The following BIRC6 variants were observed in gnomAD, a reference collection of about 807,000 sequenced individuals.
BIRC6 encodes the protein dual E2 ubiquitin-conjugating enzyme/E3 ubiquitin-protein ligase BIRC6.
BIRC6 carries 98 observed loss-of-function variants against 503.3 expected under a neutral mutation model. That is an observed-to-expected ratio of 0.19 (90% CI 0.17 to 0.23). BIRC6 has a LOEUF of 0.23. Among genes scored for constraint, BIRC6 ranks in the 10% least tolerant of loss-of-function variants. BIRC6 has a pLI of 1.00. For synonymous variants in BIRC6, 2,240 were observed against 2,078.7 expected (o/e 1.08, Z -2.11); for missense variants, 5,360 against 5,806.0 (o/e 0.92, Z 2.50).
At chr2:32,553,083 G>T (rs2058535768) in intron 65 of BIRC6, among the ~76,000 whole-genome samples, 1 of 148,258 alleles carries the variant, frequency 6.7e-6, no homozygotes, top group Non-Finnish European at 1.5e-5. Context: ...TGTAATCCCA[G>T]CTACTTGGGA....
At position 32,603,067 on chromosome 2, in the gene BIRC6, C is replaced by G; in HGVS notation, c.14054C>G (p.Thr4685Ser). 1 of 1,610,724 alleles carries G rather than the reference C, an allele frequency of 6.2e-7. No individual in the cohort carries two copies. Residue 4685 changes from threonine to serine, a missense_variant, in exon 71 of 74, where the codon ACC becomes AGC. Around this residue, in one of 16 missense-constraint regions of BIRC6, gnomAD observed 66 missense variants for 113.2 expected, o/e 0.58. Transcript: ENST00000421745. ...CCAGAAGAGAAGTGGAATCCTCAGA[C>G]CTCAAGCTTTTTGCAAGTAAACAAA... ...GRPEEKWNPQ[T>S]SSFLQVLVSV... is the part of the protein sequence containing the mutation.
chr2:32,510,869 G>A (rs1453910521), intron 53 of BIRC6, among the ~76,000 whole-genome samples: 3 of 152,096 alleles, frequency 2.0e-5, no homozygotes, highest in African/African-American at 7.2e-5. Context: ...AGAATTCTTT[G>A]TTAATACTGC....
rs766438583 is a variant in BIRC6 at position 32,597,835 on chromosome 2, C to T, written c.13697C>T (p.Ala4566Val). The change falls in exon 69 of 74, where the codon GCT (alanine) becomes GTT (valine). Residue 4566 changes from alanine to valine, a missense_variant. This residue lies in a region of BIRC6 where 477 missense variants were observed against 574.4 expected (regional missense o/e 0.83). Transcript: ENST00000421745. ...NYHYMSQVKN[A>V]NDANSAARAR... Reference sequence around the variant, plus strand: ...CACTACATGTCTCAGGTGAAAAATGCTAATGATGCGAACAGTGCTGCCAGA... The same window carrying T: ...CACTACATGTCTCAGGTGAAAAATGTTAATGATGCGAACAGTGCTGCCAGA... 18 of 1,613,592 alleles carry T rather than the reference C, an allele frequency of 1.1e-5. No individual in the cohort carries two copies. The highest frequency in any genetic ancestry group is 1.6e-4 in the Middle Eastern group (1 of 6,084).
intron 20 of BIRC6, among the ~76,000 whole-genome samples, chr2:32,444,702 A>G (rs1386215488): frequency 2.6e-5 from 4 of 152,174 alleles, no homozygotes; most frequent in Non-Finnish European, 4.4e-5. Context: ...AACCCATTCA[A>G]CAAGTTACCT....
In BIRC6 at chr2:32,490,052, A is replaced by G. The variant is rs554518223; in HGVS notation, c.8107A>G (p.Ser2703Gly). The stretch of plus-strand genomic sequence containing the variant: ...TCTTTTCTGCATAGCATCAATAACT[A>G]GCTTTCTCACAGTGTTAGCTTGGTA... The part of the protein sequence containing the change: ...VISLNQASIT[S>G]FLTVLAWYPN... The change falls in exon 43 of 74, where the codon AGC (serine) becomes GGC (glycine). Residue 2703 changes from serine to glycine, a missense_variant. By Grantham distance (56) the Ser-to-Gly change is moderately conservative. Coordinates refer to ENST00000421745, the MANE Select transcript of BIRC6 (RefSeq NM_016252.4). The G allele has an allele frequency of 2.6e-5, 42 of 1,609,700 alleles. 2 individuals are homozygous for G. In the South Asian group the frequency reaches 3.0e-4, roughly 11 times the overall value.
At chr2:32,569,929 C>T (rs1023815766) in intron 65 of BIRC6, among the ~76,000 whole-genome samples, 1 of 151,546 alleles carries the variant, frequency 6.6e-6, no homozygotes, top group Admixed American at 6.6e-5. Context: ...TTTCCCTTGC[C>T]TGATTACTCT....
chr2:32,367,501 CTG>C (rs2035128238), intron 1 of BIRC6, among the ~76,000 whole-genome samples: 1 of 151,768 alleles, frequency 6.6e-6, no homozygotes, highest in African/African-American at 2.4e-5. Flanking sequence ...ACAAAACAGT[CTG>C]TGGCTGGGAC....
At position 32,515,099 on chromosome 2, in the gene BIRC6, C is replaced by T. The variant is rs756439391; in HGVS notation, c.10678C>T (p.Leu3560Phe). The change falls in exon 55 of 74, where the codon CTC becomes TTC. Residue 3560 changes from leucine (L) to phenylalanine (F), a missense_variant. Leu to Phe is a conservative substitution (Grantham distance 22). Around this residue, in one of 16 missense-constraint regions of BIRC6, gnomAD observed 878 missense variants for 928.9 expected, o/e 0.95. Transcript: ENST00000421745. The stretch of plus-strand genomic sequence containing the variant: ...CGTACACCCAAACTATTTTTCTTTG[C>T]TCATGGGCTGGATGGGAATTACCCC... ...CHVHPNYFSL[L>F]MGWMGITPPP... The T allele has an allele frequency of 1.2e-6, 2 of 1,613,938 alleles. No homozygotes were observed. The highest frequency in any genetic ancestry group is 1.7e-6 in the Non-Finnish European group (2 of 1,179,892).
rs752825529 is a variant in BIRC6 at position 32,428,731 on chromosome 2, T to C, written c.2873-415T>C. ...ATTTCATTGTGAATGCTTTAAAAAA[T>C]AAGAGTATTTGTTAAGTTTTGTTAT... On this transcript the variant is annotated intron_variant, in intron 10 of 73. Coordinates refer to ENST00000421745, the MANE Select transcript of BIRC6 (RefSeq NM_016252.4). 6.8e-4 allele frequency among the ~76,000 whole-genome samples: 103 copies of C among 152,178 alleles called. 3 individuals are homozygous for C. The highest frequency in any genetic ancestry group is 1.3e-4 in the Non-Finnish European group (9 of 68,012).
intron 73 of BIRC6, among the ~76,000 whole-genome samples, chr2:32,615,127 G>A (rs1057167614): frequency 1.3e-5 from 2 of 152,136 alleles, no homozygotes; most frequent in Admixed American, 6.5e-5. Flanking sequence ...ACCCGATCTC[G>A]TGATAATTCA....
intron 66 of BIRC6, among the ~76,000 whole-genome samples, chr2:32,585,067 G>T (rs956651862): frequency 5.3e-5 from 8 of 151,982 alleles, no homozygotes; most frequent in Admixed American, 2.0e-4. Context: ...ATATTTTTGG[G>T]GTTTAGGCCT....
Position 32,388,909 on chromosome 2 carries a change from G to C in BIRC6, c.805G>C (p.Glu269Gln). 1.2e-6 allele frequency: 2 copies of C among 1,606,156 alleles called. No individual in the cohort carries two copies. The highest frequency in any genetic ancestry group is 8.5e-7 in the Non-Finnish European group (1 of 1,177,036). The change falls in exon 4 of 74, where the codon GAA becomes CAA. Residue 269 changes from glutamate (E) to glutamine (Q), a missense_variant. By Grantham distance (29) the Glu-to-Gln change is conservative. Around this residue, in one of 16 missense-constraint regions of BIRC6, gnomAD observed 134 missense variants for 150.9 expected, o/e 0.89. Transcript: ENST00000421745. Reference protein sequence around the residue: ...LSYLLPSARPELGVGPGRSVD... With the variant: ...LSYLLPSARPQLGVGPGRSVD... ...TTACCTCTTACCTAGTGCACGTCCAGAACTCGGAGTGGGGCCAGGCCGTTC... is the reference window on the plus strand; with the variant it reads ...TTACCTCTTACCTAGTGCACGTCCACAACTCGGAGTGGGGCCAGGCCGTTC...
intron 23 of BIRC6, 154 bp downstream of exon 23, chr2:32,454,096 C>A: frequency 3.5e-6 from 1 of 289,738 alleles, no homozygotes; most frequent in Non-Finnish European, 5.1e-6. Flanking sequence ...AAATATAAAT[C>A]GTTTTATATT....
chr2:32,455,532 T>C (rs936095916), intron 23 of BIRC6, among the ~76,000 whole-genome samples: 1 of 152,068 alleles, frequency 6.6e-6, no homozygotes, highest in Non-Finnish European at 1.5e-5. Flanking sequence ...GAGGCTGAGG[T>C]ACGAGAATTG....
rs759510187 is a variant in BIRC6, at chr2:32,505,222, A to T, written c.9700+17A>T. The T allele has an allele frequency of 3.3e-6, 5 of 1,525,718 alleles. No homozygotes were observed. Among genetic ancestry groups the T allele is most frequent in the African/African-American group, 1.4e-5 (1 of 72,708 alleles). The allele number at this position is 1,525,718 out of a possible 1,614,324, so 94.5% of individuals were successfully genotyped here. On this transcript the variant is annotated intron_variant, in intron 50 of 73. Coordinates refer to ENST00000421745, the MANE Select transcript of BIRC6 (RefSeq NM_016252.4). ...CTCTTGCAAGTGAGTAATATTTTAT[A>T]AAGAAGCATCATGAGAACAAGCTTT... is the stretch of plus-strand genomic sequence containing the variant.
chr2:32,395,872 C>T (rs1445697876), intron 6 of BIRC6, among the ~76,000 whole-genome samples: 1 of 152,130 alleles, frequency 6.6e-6, no homozygotes, highest in South Asian at 2.1e-4. Flanking sequence ...TGAACTCCAG[C>T]GTGAGCTTCA....
chr2:32,364,704 A>G (rs1329580767), intron 1 of BIRC6, among the ~76,000 whole-genome samples: 1 of 151,780 alleles, frequency 6.6e-6, no homozygotes, highest in African/African-American at 2.4e-5. Context: ...GTGGTCATAA[A>G]TAAGAGGAAG....
At position 32,478,770 on chromosome 2, in the gene BIRC6, G is replaced by A; in HGVS notation, c.7204G>A (p.Ala2402Thr). The A allele has an allele frequency of 6.2e-7, 1 of 1,613,748 alleles. No homozygotes were observed. Among genetic ancestry groups the A allele is most frequent in the Non-Finnish European group, 8.5e-7 (1 of 1,179,822 alleles). The change falls in exon 36 of 74, where the codon GCT becomes ACT. Residue 2402 changes from alanine (A) to threonine (T), a missense_variant. Transcript: ENST00000421745. ...TAGAGGAGATATATCTTGGGGTGGT[G>A]CTTGGGCTCAGTATTCCTTAACTTG... ...FNRGDISWGG[A>T]WAQYSLTCML...
rs760780896 is a variant in BIRC6, at chr2:32,503,085, G to A, written c.9348G>A (p.Arg3116=). ...LICNNMVTST[R]AIVNTARSMV... Reference sequence around the variant, plus strand: ...GCAATAATATGGTTACTAGTACAAGGGCTATTGTGAACACTGCAAGAAGTA... The same window carrying A: ...GCAATAATATGGTTACTAGTACAAGAGCTATTGTGAACACTGCAAGAAGTA... Residue 3116 remains arginine (R), a synonymous_variant, in exon 49 of 74, where the codon AGG becomes AGA. Coordinates refer to ENST00000421745, the MANE Select transcript of BIRC6 (RefSeq NM_016252.4). 1.2e-6 allele frequency: 2 copies of A among 1,609,644 alleles called. No individual in the cohort carries two copies. The highest frequency in any genetic ancestry group is 2.2e-5 in the South Asian group (2 of 90,334).
Sources: allele counts gnomAD v4.1 joint callset (sites outside exome capture counted in the v4.1 genomes callset), GRCh38; gene constraint gnomAD v4.1.1; regional missense constraint gnomAD v4.1.1; transcripts MANE v1.5; gene names NCBI Gene and HGNC (gene_info 2026-07-23, HGNC 2026-07-21).